PPM1H: variants seen among roughly 807,000 people sequenced by gnomAD.
PPM1H encodes the protein protein phosphatase 1H.
PPM1H carries 27 observed loss-of-function variants against 54.9 expected under a neutral mutation model. The ratio of observed to expected loss-of-function variants is 0.49; its 90% CI spans 0.36 to 0.68. The LOEUF (loss-of-function observed/expected upper bound fraction) is 0.68, where lower values mean the gene tolerates loss of function less well. Among genes scored for constraint, PPM1H ranks in the 30% least tolerant of loss-of-function variants. PPM1H has a pLI of 0.00. For missense variants in PPM1H, 596 were observed against 667.8 expected (o/e 0.89, Z 1.19); for synonymous variants, 305 against 270.8 (o/e 1.13, Z -1.24).
chr12:62,827,831 A>C (rs1362522479), intron 2 of PPM1H, among the ~76,000 whole-genome samples: 1 of 152,114 alleles, frequency 6.6e-6, no homozygotes, highest in Non-Finnish European at 1.5e-5. Flanking sequence ...TCCCCAAATC[A>C]TCAGTGACCA....
chr12:62,838,604 C>A (rs1412891512), intron 1 of PPM1H, among the ~76,000 whole-genome samples: 1 of 152,094 alleles, frequency 6.6e-6, no homozygotes, highest in Non-Finnish European at 1.5e-5. Flanking sequence ...AGCTGGATGG[C>A]CAGTCAAAAC....
chr12:62,878,323 G>A (rs2121032385), intron 1 of PPM1H, among the ~76,000 whole-genome samples: 1 of 152,224 alleles, frequency 6.6e-6, no homozygotes, highest in African/African-American at 2.4e-5. Flanking sequence ...ACCCCCATCA[G>A]GGTGTGGCAC....
At chr12:62,765,097 G>C (rs994804488) in intron 4 of PPM1H, among the ~76,000 whole-genome samples, 1 of 152,232 alleles carries the variant, frequency 6.6e-6, no homozygotes, top group Non-Finnish European at 1.5e-5. Flanking sequence ...GGTTATCCCT[G>C]TTGTGTGTGG....
intron 3 of PPM1H, among the ~76,000 whole-genome samples, chr12:62,790,033 C>A (rs560118687): frequency 6.6e-6 from 1 of 152,170 alleles, no homozygotes; most frequent in African/African-American, 2.4e-5. Context: ...GAGGAAGAAA[C>A]GGTGACGTTG....
At chr12:62,898,120 A>G (rs1871052516) in intron 1 of PPM1H, among the ~76,000 whole-genome samples, 1 of 152,210 alleles carries the variant, frequency 6.6e-6, no homozygotes, top group Non-Finnish European at 1.5e-5. Context: ...ATAGCACATA[A>G]TCATCCTTAA....
intron 3 of PPM1H, among the ~76,000 whole-genome samples, chr12:62,796,711 A>G (rs1211180161): frequency 1.3e-5 from 2 of 151,936 alleles, no homozygotes; most frequent in Admixed American, 6.6e-5. Flanking sequence ...TTGGTGATCA[A>G]CTCACCCTTC....
intron 4 of PPM1H, among the ~76,000 whole-genome samples, chr12:62,778,004 C>T (rs1000266837): frequency 2.0e-5 from 3 of 152,118 alleles, no homozygotes; most frequent in Admixed American, 1.3e-4. Flanking sequence ...CATGGTGGCA[C>T]GCACCTGTAA....
chr12:62,844,255 A>T lies in PPM1H; in HGVS notation c.246-11976T>A, dbSNP rs1369849689. On this transcript the variant is annotated intron_variant, in intron 1 of 9. Transcript: ENST00000228705. The surrounding 1 kb of genome is among the most constrained non-coding windows in gnomAD (Gnocchi z 5.2). ...GGCAGAAACAGTTTTAGCAGGGTTC[A>T]GCACTTTCTGTACAAAGCCAGTATG... Among the ~76,000 whole-genome samples the T allele has an allele frequency of 6.6e-6, 1 of 152,232 alleles. No individual in the cohort carries two copies. Among genetic ancestry groups the T allele is most frequent in the African/African-American group, 2.4e-5 (1 of 41,470 alleles).
At chr12:62,742,692 C>G (rs545716390) in intron 4 of PPM1H, among the ~76,000 whole-genome samples, 1 of 152,186 alleles carries the variant, frequency 6.6e-6, no homozygotes, top group Non-Finnish European at 1.5e-5. Flanking sequence ...AGGAGAGCTA[C>G]GTATACACTC....
At chr12:62,752,410 C>T (rs12301205) in intron 4 of PPM1H, among the ~76,000 whole-genome samples, 2,027 of 152,212 alleles carry the variant, frequency 0.013, 52 homozygotes, top group African/African-American at 0.047. Context: ...GTGGTTATCT[C>T]ACATTTTATC....
At chr12:62,851,920 T>C (rs1467877315) in intron 1 of PPM1H, among the ~76,000 whole-genome samples, 1 of 151,278 alleles carries the variant, frequency 6.6e-6, no homozygotes. Context: ...TAACCCCTAA[T>C]AGGATGCTGT....
At chr12:62,804,348 T>G in intron 2 of PPM1H, among the ~76,000 whole-genome samples, 1 of 112,680 alleles carries the variant, frequency 8.9e-6, no homozygotes, top group South Asian at 2.8e-4. Context: ...AGTGACCCTG[T>G]CTCAAAAAAA....
intron 7 of PPM1H, 78 bp downstream of exon 7, chr12:62,693,858 C>G: frequency 1.5e-6 from 2 of 1,299,240 alleles, no homozygotes; most frequent in South Asian, 1.3e-5. Context: ...GTGGAACACA[C>G]GGACTGCCAC....
intron 4 of PPM1H, among the ~76,000 whole-genome samples, chr12:62,741,754 T>G (rs1436490341): frequency 6.6e-6 from 1 of 152,166 alleles, no homozygotes; most frequent in Non-Finnish European, 1.5e-5. Flanking sequence ...TGTTGTTGTC[T>G]CTGAATCTCC....
chr12:62,649,803 G>A (rs1288617400), intron 9 of PPM1H, among the ~76,000 whole-genome samples: 2 of 152,184 alleles, frequency 1.3e-5, no homozygotes, highest in African/African-American at 4.8e-5. Flanking sequence ...TTGCTTTACA[G>A]ATCAATCTTG....
At chr12:62,755,803 TG>T in intron 4 of PPM1H, 1 of 932,476 alleles carries the variant, frequency 1.1e-6, no homozygotes, top group African/African-American at 1.6e-5. Flanking sequence ...ATGGCCCCTC[TG>T]GGAAACTGTG....
At chr12:62,892,308 T>C (rs1235142192) in intron 1 of PPM1H, among the ~76,000 whole-genome samples, 6 of 152,238 alleles carry the variant, frequency 3.9e-5, no homozygotes, top group Admixed American at 1.3e-4. Flanking sequence ...TACCAGCCTC[T>C]TACTGCTTTG....
intron 1 of PPM1H, among the ~76,000 whole-genome samples, chr12:62,841,804 A>T (rs1343186649): frequency 1.3e-5 from 2 of 152,198 alleles, no homozygotes; most frequent in Non-Finnish European, 2.9e-5. Context: ...ACTGAGAATG[A>T]AAAAACAAAC....
chr12:62,736,500 G>A (rs2076350222), intron 5 of PPM1H, among the ~76,000 whole-genome samples: 1 of 152,180 alleles, frequency 6.6e-6, no homozygotes, highest in African/African-American at 2.4e-5. Context: ...TTGGATTCCT[G>A]CTGTCTTATA....
Sources: gnomAD v4.1 joint callset for allele counts (sites outside exome capture counted in the v4.1 genomes callset) on GRCh38, gnomAD v4.1.1 for gene constraint, Gnocchi (gnomAD v3.1) non-coding constraint, MANE v1.5 for transcripts, NCBI Gene and HGNC (gene_info 2026-07-23, HGNC 2026-07-21) for gene names.